Variants in AHCY observed in about 807,000 individuals in gnomAD.
AHCY encodes S-adenosyl-L-homocysteine hydrolase.
Under a neutral mutation model 45.4 loss-of-function variants are expected in AHCY, and 24 were observed. The observed-to-expected ratio is 0.53, with a 90% CI of 0.38 to 0.74. The LOEUF is 0.74. AHCY is among the 30% of genes least tolerant of loss of function. The probability of loss-of-function intolerance (pLI) is 0.00; values close to 1 mark genes in which losing one functional copy is unlikely to be tolerated. For missense variants in AHCY, 449 were observed against 594.1 expected (o/e 0.76, Z 2.54); for synonymous variants, 245 against 235.1 (o/e 1.04, Z -0.39).
intron 1 of AHCY, chr20:34,301,820 G>C (rs1015769358): frequency 2.0e-6 from 2 of 985,294 alleles, no homozygotes; most frequent in African/African-American, 1.7e-5. Flanking sequence ...GCAACTTGAT[G>C]AACTACTTCA....
intron 1 of AHCY, chr20:34,302,596 G>C: frequency 5.1e-6 from 5 of 984,464 alleles, no homozygotes; most frequent in Non-Finnish European, 6.0e-6. Flanking sequence ...CTAAGTAAAC[G>C]TTAACTATCC....
At chr20:34,268,854 CGGGCGGT>C in the AHCY span, 2 of 1,040,640 alleles carry the variant, frequency 1.9e-6, no homozygotes, top group Admixed American at 2.3e-5. Flanking sequence ...ACTGGGGGAG[CGGGCGGT>C]GGGCGGTGGG....
At position 34,291,489 on chromosome 20, in the gene AHCY, T is replaced by G. The variant is rs931627963; in HGVS notation, c.488A>C (p.Asn163Thr). The G allele has an allele frequency of 6.2e-7, 1 of 1,613,848 alleles. No homozygotes were observed. Among genetic ancestry groups the G allele is most frequent in the African/African-American group, 1.3e-5 (1 of 74,842 alleles). Residue 163 changes from asparagine (N) to threonine (T), a missense_variant, in exon 5 of 10, where the codon AAC becomes ACC. Transcript: ENST00000217426. ...ISEETTTGVHNLYKMMANGIL... is the reference protein window; with the variant it reads ...ISEETTTGVHTLYKMMANGIL... ...CCCATTGGCCATCATCTTGTAGAGGTTGTGGACCCCAGTCGTGGTCTCCTC... is the reference window on the plus strand; with the variant it reads ...CCCATTGGCCATCATCTTGTAGAGGGTGTGGACCCCAGTCGTGGTCTCCTC...
the AHCY span, among the ~76,000 whole-genome samples, chr20:34,265,973 GA>G: frequency 2.0e-5 from 3 of 151,960 alleles, no homozygotes; most frequent in Admixed American, 2.0e-4. Context: ...CGGAGGGGGG[GA>G]AGTTAAAACA....
Position 34,290,495 on chromosome 20 carries a change from C to T in AHCY, c.855-46G>A, listed in dbSNP as rs1274172722. 1 of 1,613,756 alleles carries T rather than the reference C, an allele frequency of 6.2e-7. No individual in the cohort carries two copies. Among genetic ancestry groups the T allele is most frequent in the East Asian group, 2.2e-5 (1 of 44,878 alleles). Reference sequence around the variant, plus strand: ...GTGGGAGATTGTCAGGGACAGAAAGCTGTCCCAACTCTGCCCTCCTCCCTC... The same window carrying T: ...GTGGGAGATTGTCAGGGACAGAAAGTTGTCCCAACTCTGCCCTCCTCCCTC... On this transcript the variant is annotated intron_variant, in intron 7 of 9. Coordinates refer to ENST00000217426, the MANE Select transcript of AHCY (RefSeq NM_000687.4). This position sits in a 1 kb window ranked among gnomAD's most constrained non-coding sequence, Gnocchi z 4.5.
chr20:34,291,605 CT>C (rs1303437443), intron 4 of AHCY, 74 bp from the exon 5 acceptor site: 1 of 1,330,864 alleles, frequency 7.5e-7, no homozygotes, highest in African/African-American at 1.4e-5. Flanking sequence ...TCTTTACCCC[CT>C]AAAGCCATTC....
chr20:34,309,706 A>C (rs923757154), intron 1 of AHCY, among the ~76,000 whole-genome samples: 3 of 152,114 alleles, frequency 2.0e-5, no homozygotes, highest in Non-Finnish European at 4.4e-5. Context: ...GCTTGAACCC[A>C]GGAAGGGGAG....
the AHCY span, among the ~76,000 whole-genome samples, chr20:34,274,780 C>T: frequency 2.6e-5 from 4 of 151,684 alleles, no homozygotes; most frequent in African/African-American, 7.3e-5. Flanking sequence ...GCCCCCATCT[C>T]TACAAAAAAA....
chr20:34,272,033 T>C, the AHCY span, among the ~76,000 whole-genome samples: 1 of 131,224 alleles, frequency 7.6e-6, no homozygotes, highest in Non-Finnish European at 1.7e-5. Context: ...GGAAAGATTA[T>C]ACAACGTGCC....
chr20:34,235,844 G>GAAAGAAA, the AHCY span, among the ~76,000 whole-genome samples: 373 of 25,804 alleles, frequency 0.014, 2 homozygotes, highest in East Asian at 0.017. Flanking sequence ...AAAGAAAGAA[G>GAAAGAAA]GAAGGAAGGA....
intron 1 of AHCY, among the ~76,000 whole-genome samples, chr20:34,310,096 C>T (rs956838045): frequency 1.3e-5 from 2 of 152,024 alleles, no homozygotes; most frequent in African/African-American, 2.4e-5. Flanking sequence ...CACTGTTACC[C>T]GGGCTGGAAT....
the AHCY span, among the ~76,000 whole-genome samples, chr20:34,233,927 C>G: frequency 2.7e-4 from 41 of 152,332 alleles, no homozygotes; most frequent in Non-Finnish European, 5.3e-4. Flanking sequence ...CACTCTGCAG[C>G]CAGTCAACAC....
At chr20:34,285,676 G>A (rs750286594) in intron 8 of AHCY, 42 bp from the exon 9 acceptor site, 18 of 1,602,462 alleles carry the variant, frequency 1.1e-5, no homozygotes, top group African/African-American at 2.7e-5. Flanking sequence ...GCAGGGCCCC[G>A]CTCCCACAGC....
downstream of AHCY, among the ~76,000 whole-genome samples, chr20:34,276,442 C>T (rs1230603929): frequency 2.0e-5 from 3 of 152,044 alleles, no homozygotes; most frequent in Admixed American, 2.0e-4. Flanking sequence ...TGGGTGGATA[C>T]TCTAGGGAGG....
chr20:34,256,755 T>C, the AHCY span, among the ~76,000 whole-genome samples: 2 of 152,190 alleles, frequency 1.3e-5, no homozygotes, highest in Admixed American at 1.3e-4. Flanking sequence ...ACATGCCTCT[T>C]GTAACTTGCC....
intron 9 of AHCY, among the ~76,000 whole-genome samples, chr20:34,284,316 T>C (rs6120595): frequency 7.9e-5 from 12 of 152,110 alleles, no homozygotes; most frequent in Non-Finnish European, 1.8e-4. Context: ...TGCGCCACCA[T>C]GCCCAGCTCA....
chr20:34,268,014 C>G, the AHCY span, among the ~76,000 whole-genome samples: 2 of 152,130 alleles, frequency 1.3e-5, no homozygotes, highest in Non-Finnish European at 2.9e-5. Flanking sequence ...TTCCAATGCT[C>G]AGTTTTGACA....
At position 34,291,422 on chromosome 20, in the gene AHCY, G is replaced by C; in HGVS notation, c.555C>G (p.Thr185=). Residue 185 remains threonine (T), a synonymous_variant, in exon 5 of 10, where the codon ACC becomes ACG. Transcript: ENST00000217426. ...CTGTCACTGCCCCTCGGCTCACCTTGGTGACGGAGTCATTGACATTGATGG... is the reference window on the plus strand; with the variant it reads ...CTGTCACTGCCCCTCGGCTCACCTTCGTGACGGAGTCATTGACATTGATGG... ...VPAINVNDSV[T]KSKFDNLYGC... The C allele has an allele frequency of 1.2e-6, 2 of 1,613,810 alleles. No homozygotes were observed. Among genetic ancestry groups the C allele is most frequent in the South Asian group, 2.2e-5 (2 of 91,062 alleles).
At chr20:34,289,225 G>C (rs1213543129) in intron 8 of AHCY, among the ~76,000 whole-genome samples, 1 of 152,092 alleles carries the variant, frequency 6.6e-6, no homozygotes, top group Non-Finnish European at 1.5e-5. Flanking sequence ...CCAGGCTGGA[G>C]TGCAGTGGAA....
Sources: allele counts gnomAD v4.1 joint callset (sites outside exome capture counted in the v4.1 genomes callset), GRCh38; gene constraint gnomAD v4.1.1; non-coding constraint Gnocchi (gnomAD v3.1); transcripts MANE v1.5; gene names NCBI Gene and HGNC (gene_info 2026-07-23, HGNC 2026-07-21).